Variants in ERO1B observed in about 807,000 individuals in gnomAD.
The protein encoded by ERO1B is ERO1-like protein beta.
ERO1B carries 49 observed loss-of-function variants against 75.3 expected under a neutral mutation model. The observed-to-expected ratio is 0.65, with a 90% CI of 0.52 to 0.83. The LOEUF (loss-of-function observed/expected upper bound fraction) is 0.83, where lower values mean the gene tolerates loss of function less well. Among genes scored for constraint, ERO1B ranks in the 40% least tolerant of loss-of-function variants. ERO1B has a pLI of 0.00. For missense variants in ERO1B, 512 were observed against 560.1 expected, an observed-to-expected ratio of 0.91 and a Z score of 0.87; for synonymous variants, 191 against 192.9, an observed-to-expected ratio of 0.99 and a Z score of 0.08.
At chr1:236,226,162 A>T in intron 12 of ERO1B, 107 bp downstream of exon 12, 2 of 1,084,348 alleles carry the variant, frequency 1.8e-6, no homozygotes, top group Non-Finnish European at 2.7e-6. Flanking sequence ...TTTCTGTTCT[A>T]CATCTCCCCT....
At chr1:236,268,472 G>A (rs976313754) in intron 2 of ERO1B, among the ~76,000 whole-genome samples, 17 of 151,756 alleles carry the variant, frequency 1.1e-4, no homozygotes, top group African/African-American at 2.9e-4. Context: ...TTTAGCTGAC[G>A]TAAGCCTAGA....
At chr1:236,239,707 T>C (rs1033875011) in intron 6 of ERO1B, among the ~76,000 whole-genome samples, 1 of 151,214 alleles carries the variant, frequency 6.6e-6, no homozygotes, top group Non-Finnish European at 1.5e-5. Flanking sequence ...TTTTATCTTC[T>C]TTCTGCCTCT....
At position 236,232,815 on chromosome 1, in the gene ERO1B, G is replaced by A. The variant is rs1364439746; in HGVS notation, c.685+13C>T. 31 of 1,589,996 alleles carry A rather than the reference G, an allele frequency of 1.9e-5. No individual in the cohort carries two copies. Among genetic ancestry groups the A allele is most frequent in the Non-Finnish European group, 2.6e-5 (30 of 1,168,284 alleles). On this transcript the variant is annotated intron_variant, in intron 9 of 15. Transcript: ENST00000354619. ...CTCCACACTTGAAACAAACAAACAT[G>A]AGTTTTGCTCACCATCATCTTCGCC...
chr1:236,252,157 G>A (rs1463527132), intron 3 of ERO1B, 66 bp from the exon 4 acceptor site: 18 of 1,049,056 alleles, frequency 1.7e-5, no homozygotes, highest in Non-Finnish European at 2.5e-5. Context: ...ATTTCTTCAC[G>A]AATTGTCAAT....
At chr1:236,258,554 C>T (rs1044616649) in intron 2 of ERO1B, among the ~76,000 whole-genome samples, 1 of 152,120 alleles carries the variant, frequency 6.6e-6, no homozygotes, top group Non-Finnish European at 1.5e-5. Flanking sequence ...AAGGATCCTT[C>T]AAGCTGAAGA....
intron 1 of ERO1B, among the ~76,000 whole-genome samples, chr1:236,279,843 C>CAAAAA (rs60949594): frequency 3.0e-5 from 4 of 135,296 alleles, no homozygotes; most frequent in Admixed American, 7.4e-5. Flanking sequence ...GACACTATCT[C>CAAAAA]AAAAAAAAAA....
At chr1:236,263,002 G>T (rs1246630439) in intron 2 of ERO1B, among the ~76,000 whole-genome samples, 3 of 152,048 alleles carry the variant, frequency 2.0e-5, no homozygotes, top group Admixed American at 6.6e-5. Flanking sequence ...GACTAACTCG[G>T]AAGGGTTATT....
intron 6 of ERO1B, among the ~76,000 whole-genome samples, chr1:236,239,500 G>T (rs1664627976): frequency 6.6e-6 from 1 of 152,020 alleles, no homozygotes; most frequent in Admixed American, 6.6e-5. Context: ...AGCAACGTGT[G>T]TGGCAGAAAG....
chr1:236,241,999 C>T (rs10924838), intron 6 of ERO1B, among the ~76,000 whole-genome samples: 10,289 of 149,574 alleles, frequency 0.069, 715 homozygotes, highest in East Asian at 0.39. Flanking sequence ...ACCTGGGGGG[C>T]GGAGCTTGCA....
intron 1 of ERO1B, among the ~76,000 whole-genome samples, chr1:236,274,721 G>C (rs1273069645): frequency 2.7e-5 from 4 of 148,870 alleles, no homozygotes; most frequent in African/African-American, 9.8e-5. Context: ...ACTGCTTTAA[G>C]TGCTGGGGAT....
intron 2 of ERO1B, among the ~76,000 whole-genome samples, chr1:236,265,837 T>C (rs1039209011): frequency 1.3e-5 from 2 of 152,234 alleles, no homozygotes; most frequent in Non-Finnish European, 2.9e-5. Flanking sequence ...ATTTACTTGG[T>C]ATTCTACATC....
chr1:236,266,820 G>C (rs564419750), intron 2 of ERO1B, among the ~76,000 whole-genome samples: 19 of 152,280 alleles, frequency 1.2e-4, no homozygotes, highest in South Asian at 6.2e-4. Context: ...GCATTAACTA[G>C]ATCATGGCAT....
intron 15 of ERO1B, chr1:236,220,602 A>C (rs1163280946): frequency 1.6e-5 from 5 of 311,990 alleles, no homozygotes; most frequent in Non-Finnish European, 2.9e-5. Context: ...CTCCCTTACA[A>C]AATTAAGGCA....
chr1:236,239,906 TATATA>T (rs1664653994), intron 6 of ERO1B, among the ~76,000 whole-genome samples: 2 of 136,738 alleles, frequency 1.5e-5, no homozygotes, highest in Non-Finnish European at 3.1e-5. Context: ...TATATATATA[TATATA>T]TTTTTTTTTT....
chr1:236,250,663 G>T (rs1351854735), intron 4 of ERO1B, among the ~76,000 whole-genome samples: 9 of 106,016 alleles, frequency 8.5e-5, no homozygotes, highest in African/African-American at 3.1e-4. Flanking sequence ...GTCAAATTTA[G>T]TTCTAAAGAG....
rs1174494328 is a variant in ERO1B at position 236,216,430 on chromosome 1, C to T, written c.*2086G>A. ...AAAAACACATACACAAAAATGTAGGCTGCCCCTACAATCTAATTTATGATA... is the reference window on the plus strand; with the variant it reads ...AAAAACACATACACAAAAATGTAGGTTGCCCCTACAATCTAATTTATGATA... On this transcript the variant is annotated 3_prime_UTR_variant, in exon 16 of 16. Transcript: ENST00000354619. 1 of 152,106 alleles carries T rather than the reference C, an allele frequency of 6.6e-6. No homozygotes were observed. The highest frequency in any genetic ancestry group is 2.4e-5 in the African/African-American group (1 of 41,448). 9.4% of individuals were successfully genotyped at this position (152,106 alleles called of 1,614,324 possible). A position where few individuals can be genotyped will look rare whatever the true frequency, so the allele number is the denominator to read the frequency against.
At chr1:236,233,622 C>T (rs12035666) in intron 8 of ERO1B, among the ~76,000 whole-genome samples, 10,190 of 151,428 alleles carry the variant, frequency 0.067, 725 homozygotes, top group East Asian at 0.39. Context: ...AAGATTTGCA[C>T]ATTTTAAAAT....
rs1663977549 is a variant in ERO1B at position 236,216,410 on chromosome 1, C to T, written c.*2106G>A. 6.6e-6 allele frequency: 1 copy of T among 152,036 alleles called. No homozygotes were observed. The highest frequency in any genetic ancestry group is 1.5e-5 in the Non-Finnish European group (1 of 67,960). 9.4% of individuals were successfully genotyped at this position (152,036 alleles called of 1,614,324 possible). ...CACACAATCATTTAAGAAATAAAAACACATACACAAAAATGTAGGCTGCCC... is the reference window on the plus strand; with the variant it reads ...CACACAATCATTTAAGAAATAAAAATACATACACAAAAATGTAGGCTGCCC... On this transcript the variant is annotated 3_prime_UTR_variant, in exon 16 of 16. Transcript: ENST00000354619.
intron 13 of ERO1B, 23 bp from the exon 14 acceptor site, chr1:236,222,033 A>G: frequency 6.3e-7 from 1 of 1,579,774 alleles, no homozygotes; most frequent in African/African-American, 1.3e-5. Flanking sequence ...AAATATTTTC[A>G]GTCTAATTAG....
Sources: allele counts gnomAD v4.1 joint callset (sites outside exome capture counted in the v4.1 genomes callset), GRCh38; gene constraint gnomAD v4.1.1; transcripts MANE v1.5; gene names NCBI Gene and HGNC (gene_info 2026-07-23, HGNC 2026-07-21).